Variants in NCOA2 observed in about 807,000 individuals in gnomAD.
The protein encoded by NCOA2 is class E basic helix-loop-helix protein 75.
A neutral mutation model predicts 145.1 loss-of-function variants in NCOA2; 21 were observed. That is an observed-to-expected ratio of 0.14 (90% confidence interval 0.10 to 0.21). The LOEUF is 0.21. NCOA2 is among the 10% of genes least tolerant of loss of function. The pLI is 1.00. For synonymous variants in NCOA2, 619 were observed against 637.5 expected (o/e 0.97, Z 0.44); for missense variants, 1,472 against 1,837.6 (o/e 0.80, Z 3.64).
chr8:70,425,100 C>T, the NCOA2 span, among the ~76,000 whole-genome samples: 1,238 of 152,242 alleles, frequency 8.1e-3, 15 homozygotes, highest in African/African-American at 0.028. Flanking sequence ...AATGCATCTT[C>T]TAGAAACTAG....
intron 1 of NCOA2, among the ~76,000 whole-genome samples, chr8:70,351,277 AG>A (rs1188648292): frequency 6.6e-6 from 1 of 152,204 alleles, no homozygotes; most frequent in Non-Finnish European, 1.5e-5. Flanking sequence ...GAAGAGTAAT[AG>A]GTTATACATT....
At chr8:70,243,220 A>G (rs867584412) in intron 2 of NCOA2, among the ~76,000 whole-genome samples, 1 of 152,144 alleles carries the variant, frequency 6.6e-6, no homozygotes, top group Non-Finnish European at 1.5e-5. Flanking sequence ...TTAAAAAACA[A>G]AAAGTATTTC....
the NCOA2 span, among the ~76,000 whole-genome samples, chr8:70,433,992 A>G: frequency 6.6e-6 from 1 of 152,236 alleles, no homozygotes; most frequent in Non-Finnish European, 1.5e-5. Flanking sequence ...CAGATTCATT[A>G]TATAAATGAG....
At chr8:70,434,203 C>G in the NCOA2 span, among the ~76,000 whole-genome samples, 1 of 152,148 alleles carries the variant, frequency 6.6e-6, no homozygotes, top group Non-Finnish European at 1.5e-5. Context: ...TAAGTTTCCT[C>G]AGGATTGTCT....
chr8:70,418,788 A>C, the NCOA2 span, among the ~76,000 whole-genome samples: 1 of 152,254 alleles, frequency 6.6e-6, no homozygotes, highest in African/African-American at 2.4e-5. Context: ...AAAAGAATAT[A>C]CATAACACTG....
At chr8:70,335,649 T>A (rs1002859761) in intron 1 of NCOA2, among the ~76,000 whole-genome samples, 2 of 152,246 alleles carry the variant, frequency 1.3e-5, no homozygotes, top group African/African-American at 4.8e-5. Context: ...CTTATTTCTA[T>A]GAATTTGACT....
At chr8:70,372,976 T>C (rs1028956946) in intron 1 of NCOA2, among the ~76,000 whole-genome samples, 8 of 152,228 alleles carry the variant, frequency 5.3e-5, no homozygotes, top group Non-Finnish European at 1.0e-4. Context: ...TAGTATCCCA[T>C]TGTATGAATA....
At chr8:70,167,767 G>A (rs1244358349) in intron 6 of NCOA2, among the ~76,000 whole-genome samples, 1 of 152,114 alleles carries the variant, frequency 6.6e-6, no homozygotes, top group African/African-American at 2.4e-5. Flanking sequence ...AGAGAGGAAA[G>A]ACAACAATTA....
chr8:70,401,897 G>A (rs1399645138), intron 1 of NCOA2: 1 of 152,284 alleles, frequency 6.6e-6, no homozygotes, highest in African/African-American at 2.4e-5. Context: ...ACATCCTAAA[G>A]TGGCTTTAGA....
At chr8:70,352,423 A>C (rs950736655) in intron 1 of NCOA2, among the ~76,000 whole-genome samples, 2 of 152,238 alleles carry the variant, frequency 1.3e-5, no homozygotes, top group Non-Finnish European at 2.9e-5. Flanking sequence ...CCACAGACCC[A>C]AGAAGGTCAC....
At chr8:70,153,944 C>A (rs955667010) in intron 11 of NCOA2, among the ~76,000 whole-genome samples, 1 of 152,134 alleles carries the variant, frequency 6.6e-6, no homozygotes, top group South Asian at 2.1e-4. Context: ...TTGTATCCGA[C>A]CTTTAGGAAT....
intron 7 of NCOA2, 88 bp downstream of exon 7, chr8:70,166,478 C>T: frequency 6.9e-7 from 1 of 1,448,800 alleles, no homozygotes; most frequent in Non-Finnish European, 9.6e-7. Flanking sequence ...CCTCACTTTT[C>T]TTTGGGTGAC....
At chr8:70,403,163 G>C (rs1212895185) in intron 1 of NCOA2, among the ~76,000 whole-genome samples, 1 of 151,140 alleles carries the variant, frequency 6.6e-6, no homozygotes, top group East Asian at 1.9e-4. Flanking sequence ...GCCGCTCCGC[G>C]CTTCCATTAA....
At chr8:70,147,182 G>C (rs893023338) in intron 12 of NCOA2, among the ~76,000 whole-genome samples, 1 of 151,448 alleles carries the variant, frequency 6.6e-6, no homozygotes, top group Non-Finnish European at 1.5e-5. Context: ...GCCCAGGCTG[G>C]AGTACAGCGG....
intron 2 of NCOA2, among the ~76,000 whole-genome samples, chr8:70,288,309 T>C (rs986015627): frequency 6.6e-6 from 1 of 152,198 alleles, no homozygotes. Flanking sequence ...GGCCGGTGTG[T>C]GGCTCATGCC....
At chr8:70,248,582 C>T (rs757445299) in intron 2 of NCOA2, among the ~76,000 whole-genome samples, 1 of 152,046 alleles carries the variant, frequency 6.6e-6, no homozygotes, top group East Asian at 1.9e-4. Flanking sequence ...CCCCTGGATA[C>T]CAAAATCCAT....
At position 70,141,296 on chromosome 8, in the gene NCOA2, C is replaced by A; in HGVS notation, c.2916G>T (p.Met972Ile). Residue 972 changes from methionine (M) to isoleucine (I), a missense_variant, in exon 14 of 23, where the codon ATG (methionine) becomes ATT (isoleucine). Physicochemically the swap from Met to Ile is conservative, Grantham distance 10. Transcript: ENST00000452400. ...RVTCAATTSA[M>I]NRPVQGGMIR... ...TCATACCTCCTTGGACTGGCCGGTT[C>A]ATGGCACTGGTGGTAGCAGCACAGG... 2 of 1,613,932 alleles carry A rather than the reference C, an allele frequency of 1.2e-6. No individual in the cohort carries two copies. The highest frequency in any genetic ancestry group is 1.7e-6 in the Non-Finnish European group (2 of 1,179,868).
At chr8:70,442,132 A>AAAGAAAGAAAGAAAG in the NCOA2 span, among the ~76,000 whole-genome samples, 2 of 122,008 alleles carry the variant, frequency 1.6e-5, no homozygotes, top group African/African-American at 8.6e-5. Flanking sequence ...AGAAAGAAAG[A>AAAGAAAGAAAGAAAG]AAGAAAGAAA....
intron 1 of NCOA2, among the ~76,000 whole-genome samples, chr8:70,398,579 G>A (rs1377264456): frequency 6.6e-6 from 1 of 152,156 alleles, no homozygotes; most frequent in Non-Finnish European, 1.5e-5. Context: ...AGAATTAACA[G>A]GCTAATTTCA....
Sources: gnomAD v4.1 joint callset for allele counts (sites outside exome capture counted in the v4.1 genomes callset) on GRCh38, gnomAD v4.1.1 for gene constraint, MANE v1.5 for transcripts, NCBI Gene and HGNC (gene_info 2026-07-23, HGNC 2026-07-21) for gene names.